MNS1: variants seen among roughly 807,000 people sequenced by gnomAD.
The protein encoded by MNS1 is meiosis-specific nuclear structural protein 1.
MNS1 carries 63 observed loss-of-function variants against 72.0 expected under a neutral mutation model. The observed-to-expected ratio is 0.87, with a 90% confidence interval of 0.71 to 1.08. The LOEUF (loss-of-function observed/expected upper bound fraction) is 1.08, where lower values mean the gene tolerates loss of function less well. Ranked by LOEUF, MNS1 falls within the 50% of genes least tolerant of loss-of-function variation. MNS1 has a pLI of 0.00. For synonymous variants in MNS1, 188 were observed against 172.1 expected (o/e 1.09, Z -0.72); for missense variants, 604 against 562.4 (o/e 1.07, Z -0.75).
rs761805470 is a variant in MNS1, at chr15:56,464,008, A to G, written c.225+18T>C. ...GTGCAAAATGAAAAAAAAAGTAACA[A>G]TGAATAGTAAAACTTACCTTTTGAA... On this transcript the variant is annotated intron_variant, in intron 2 of 9. Transcript: ENST00000260453. 2 of 1,582,378 alleles carry G rather than the reference A, an allele frequency of 1.3e-6. No individual in the cohort carries two copies. Among genetic ancestry groups the G allele is most frequent in the Admixed American group, 3.6e-5 (2 of 54,940 alleles).
chr15:56,439,367 T>C (rs2050781061), intron 7 of MNS1, among the ~76,000 whole-genome samples: 1 of 151,942 alleles, frequency 6.6e-6, no homozygotes, highest in Non-Finnish European at 1.5e-5. Flanking sequence ...TCAATACCTA[T>C]CAAAATCCCA....
chr15:56,443,558 CAT>C (rs2050854956), intron 6 of MNS1, 21 bp from the exon 7 acceptor site: 2 of 1,573,402 alleles, frequency 1.3e-6, no homozygotes, highest in East Asian at 2.3e-5. Flanking sequence ...TTTTAAAAAA[CAT>C]AAATATTTAT....
intron 3 of MNS1, among the ~76,000 whole-genome samples, chr15:56,448,711 T>G (rs1461652034): frequency 1.3e-5 from 2 of 152,004 alleles, no homozygotes; most frequent in African/African-American, 4.8e-5. Flanking sequence ...TGCATATGCT[T>G]TTTTTGGTAG....
At chr15:56,453,044 T>A (rs2050958308) in intron 3 of MNS1, among the ~76,000 whole-genome samples, 1 of 152,224 alleles carries the variant, frequency 6.6e-6, no homozygotes, top group African/African-American at 2.4e-5. Context: ...TCAGTTATAT[T>A]TTCTTTTCCA....
intron 5 of MNS1, 64 bp from the exon 6 acceptor site, chr15:56,443,918 T>G: frequency 8.1e-7 from 1 of 1,227,508 alleles, no homozygotes. Context: ...TAATTTCATT[T>G]TGTTCATAAT....
chr15:56,463,634 T>A (rs1274947970), intron 2 of MNS1: 2 of 159,220 alleles, frequency 1.3e-5, no homozygotes, highest in African/African-American at 4.8e-5. Flanking sequence ...ATTAAAAAAT[T>A]AGCCAGGCGT....
At chr15:56,454,016 A>G (rs1175487401) in intron 3 of MNS1, among the ~76,000 whole-genome samples, 1 of 152,212 alleles carries the variant, frequency 6.6e-6, no homozygotes, top group African/African-American at 2.4e-5. Flanking sequence ...CCATTTCTGC[A>G]TGACAGTGAA....
At chr15:56,449,822 C>A (rs1339875417) in intron 3 of MNS1, among the ~76,000 whole-genome samples, 5 of 152,142 alleles carry the variant, frequency 3.3e-5, no homozygotes, top group Non-Finnish European at 7.4e-5. Flanking sequence ...TTTACATTTT[C>A]AAATTTATTT....
At chr15:56,443,265 T>A (rs1386192502) in intron 7 of MNS1, among the ~76,000 whole-genome samples, 165 bp downstream of exon 7, 3 of 152,210 alleles carry the variant, frequency 2.0e-5, no homozygotes, top group Non-Finnish European at 4.4e-5. Context: ...CCTGAGTCTA[T>A]CTTTTTAGCC....
At chr15:56,461,994 T>G (rs795775) in intron 2 of MNS1, among the ~76,000 whole-genome samples, 37,947 of 131,486 alleles carry the variant, frequency 0.29, 5,287 homozygotes, top group Middle Eastern at 0.43. Context: ...TTTTTTTTTT[T>G]TTTTTTTTTT....
chr15:56,465,023 C>G lies in MNS1; in HGVS notation c.-51G>C, dbSNP rs201559825. The G allele has an allele frequency of 6.3e-7, 1 of 1,593,772 alleles. No homozygotes were observed. The highest frequency in any genetic ancestry group is 8.5e-7 in the Non-Finnish European group (1 of 1,171,794). Reference sequence around the variant, plus strand: ...TCGTGGGACCGCGGCCACCACCTCCCGCCGCAAACGCAGCAGCCAGCAGCC... The same window carrying G: ...TCGTGGGACCGCGGCCACCACCTCCGGCCGCAAACGCAGCAGCCAGCAGCC... On this transcript the variant is annotated 5_prime_UTR_variant, in exon 1 of 10. Transcript: ENST00000260453.
intron 2 of MNS1, among the ~76,000 whole-genome samples, chr15:56,461,966 T>TG (rs2051024452): frequency 1.3e-5 from 1 of 78,240 alleles, no homozygotes; most frequent in African/African-American, 4.8e-5. Flanking sequence ...AAAGTGTTTT[T>TG]TTGTTGTTGT....
At chr15:56,462,957 T>TA (rs1205140858) in intron 2 of MNS1, among the ~76,000 whole-genome samples, 95 of 148,468 alleles carry the variant, frequency 6.4e-4, no homozygotes, top group East Asian at 1.4e-3. Flanking sequence ...TTCTCAGAGT[T>TA]AAAAAAAAAA....
At chr15:56,429,914 A>G (rs532082538) in intron 9 of MNS1, 2 of 152,324 alleles carry the variant, frequency 1.3e-5, no homozygotes, top group East Asian at 3.9e-4. Flanking sequence ...TCCCAAAGAA[A>G]GACATTCCTA....
rs373188287 is a variant in MNS1 at position 56,464,994 on chromosome 15, C to A, written c.-22G>T. ...CCATCTTGGCTGACGAAAAATACCC[C>A]CTCTCGTGGGACCGCGGCCACCACC... is the stretch of plus-strand genomic sequence containing the variant. On this transcript the variant is annotated 5_prime_UTR_variant, in exon 1 of 10. Transcript: ENST00000260453. The A allele has an allele frequency of 1.9e-5, 30 of 1,608,858 alleles. No individual in the cohort carries two copies. Among genetic ancestry groups the A allele is most frequent in the Non-Finnish European group, 2.5e-5 (29 of 1,178,126 alleles).
chr15:56,429,859 CCCT>C (rs1206863180), intron 9 of MNS1: 2 of 152,154 alleles, frequency 1.3e-5, no homozygotes, highest in African/African-American at 4.8e-5. Context: ...GTTTATTAAT[CCCT>C]CCTGCTGCCT....
intron 1 of MNS1, 52 bp downstream of exon 1, chr15:56,464,918 T>G (rs1307330575): frequency 3.1e-6 from 5 of 1,607,730 alleles, no homozygotes; most frequent in East Asian, 2.3e-5. Context: ...AGCGCCAAAC[T>G]AGAATTAAAT....
chr15:56,461,083 T>C (rs2051017073), intron 2 of MNS1, among the ~76,000 whole-genome samples: 2 of 152,142 alleles, frequency 1.3e-5, no homozygotes, highest in South Asian at 4.2e-4. Context: ...AAGAATTCTG[T>C]CTTATTCAAA....
chr15:56,435,371 A>G (rs1429130240), intron 7 of MNS1, among the ~76,000 whole-genome samples: 1 of 152,036 alleles, frequency 6.6e-6, no homozygotes, highest in Admixed American at 6.6e-5. Context: ...TTATTGGTGA[A>G]ACAAAAGGCT....
Sources: allele counts gnomAD v4.1 joint callset (sites outside exome capture counted in the v4.1 genomes callset), GRCh38; gene constraint gnomAD v4.1.1; transcripts MANE v1.5; gene names NCBI Gene and HGNC (gene_info 2026-07-23, HGNC 2026-07-21).